The following SMAD4 variants were observed in gnomAD, a reference collection of about 807,000 sequenced individuals.
The protein encoded by SMAD4 is MAD homolog 4.
SMAD4 carries 7 observed loss-of-function variants against 63.2 expected under a neutral mutation model. The ratio of observed to expected loss-of-function variants is 0.11; its 90% CI spans 0.06 to 0.21. The LOEUF is 0.21. Ranked by LOEUF, SMAD4 falls within the 10% of genes least tolerant of loss-of-function variation. SMAD4 has a pLI of 1.00. For synonymous variants in SMAD4, 215 were observed against 235.4 expected (o/e 0.91, Z 0.79); for missense variants, 312 against 693.8 (o/e 0.45, Z 6.18).
intron 4 of SMAD4, among the ~76,000 whole-genome samples, chr18:51,050,455 C>T (rs1355822123): frequency 6.6e-6 from 1 of 151,344 alleles, no homozygotes; most frequent in Non-Finnish European, 1.5e-5. Flanking sequence ...GTCAGGAGAT[C>T]GAGACCATCC....
In SMAD4 at chr18:51,030,472, C is replaced by G. The variant is rs1397398262; in HGVS notation, c.-279C>G. On this transcript the variant is annotated 5_prime_UTR_variant, in exon 1 of 12. Coordinates refer to ENST00000342988, the MANE Select transcript of SMAD4 (RefSeq NM_005359.6). ...GAGGCGGTCCGGCCCGCGCGGGCAG[C>G]GGCGCGGCGCTGAGGAGGGGCGGCC... The G allele has an allele frequency of 6.7e-6, 1 of 150,204 alleles. No homozygotes were observed. The highest frequency in any genetic ancestry group is 1.5e-5 in the Non-Finnish European group (1 of 67,384). The allele number at this position is 150,204 out of a possible 1,614,324, so 9.3% of individuals were successfully genotyped here.
chr18:51,031,327 A>T lies in SMAD4; in HGVS notation c.-128+704A>T, dbSNP rs3752063. On this transcript the variant is annotated intron_variant, in intron 1 of 11. Coordinates refer to ENST00000342988, the MANE Select transcript of SMAD4 (RefSeq NM_005359.6). ...CTGCTGTTAGGATTTCTCAAACTAGATTTTCAAAGACACAAGTGTGTTTAG... is the reference window on the plus strand; with the variant it reads ...CTGCTGTTAGGATTTCTCAAACTAGTTTTTCAAAGACACAAGTGTGTTTAG... Among the ~76,000 whole-genome samples the T allele has an allele frequency of 3.3e-3, 510 of 152,260 alleles. 6 individuals carry two copies. The East Asian group carries it at 0.042, about 12-fold the overall frequency.
rs1599200283 is a variant in SMAD4 at position 51,071,581 on chromosome 18, A to G, written c.1308+4394A>G. Among the ~76,000 whole-genome samples, 3 of 152,176 alleles carry G rather than the reference A, an allele frequency of 2.0e-5. No homozygotes were observed. The East Asian group carries it at 5.8e-4, about 29-fold the overall frequency. Reference sequence around the variant, plus strand: ...TATGTTTTGTTTTGTGTTATTTAGCACTGGGCGTTTCAAGTTTTTAATAGC... The same window carrying G: ...TATGTTTTGTTTTGTGTTATTTAGCGCTGGGCGTTTCAAGTTTTTAATAGC... On this transcript the variant is annotated intron_variant, in intron 10 of 11. Coordinates refer to ENST00000342988, the MANE Select transcript of SMAD4 (RefSeq NM_005359.6).
intron 7 of SMAD4, among the ~76,000 whole-genome samples, chr18:51,058,866 ACT>A (rs1909925153): frequency 1.3e-5 from 2 of 152,166 alleles, no homozygotes; most frequent in African/African-American, 2.4e-5. Context: ...TCTATAGATA[ACT>A]CTGTGCTGGC....
chr18:51,031,325 A>G (rs1022004382), intron 1 of SMAD4, among the ~76,000 whole-genome samples: 1 of 152,216 alleles, frequency 6.6e-6, no homozygotes, highest in Non-Finnish European at 1.5e-5. Context: ...TTCTCAAACT[A>G]GATTTTCAAA....
chr18:51,067,230 AT>A, intron 10 of SMAD4, 43 bp downstream of exon 10: 1 of 1,110,010 alleles, frequency 9.0e-7, no homozygotes, highest in South Asian at 1.3e-5. Context: ...TTAAAGCTCT[AT>A]TTGTTGTCAA....
chr18:51,044,653 A>G (rs942317170), intron 1 of SMAD4, among the ~76,000 whole-genome samples: 7 of 152,200 alleles, frequency 4.6e-5, no homozygotes, highest in African/African-American at 1.4e-4. Flanking sequence ...TCGGCCTCCC[A>G]AAGTGCTGGG....
At chr18:51,070,162 A>T (rs918660057) in intron 10 of SMAD4, among the ~76,000 whole-genome samples, 1 of 152,248 alleles carries the variant, frequency 6.6e-6, no homozygotes, top group Non-Finnish European at 1.5e-5. Flanking sequence ...TGTTGAATAT[A>T]TACTGTGTGC....
At chr18:51,038,990 C>T (rs1449250550) in intron 1 of SMAD4, among the ~76,000 whole-genome samples, 1 of 152,074 alleles carries the variant, frequency 6.6e-6, no homozygotes, top group Non-Finnish European at 1.5e-5. Context: ...GTCTGTAATC[C>T]CAGCTACTTG....
At chr18:51,063,323 A>C (rs1184566465) in intron 8 of SMAD4, among the ~76,000 whole-genome samples, 1 of 152,104 alleles carries the variant, frequency 6.6e-6, no homozygotes, top group Non-Finnish European at 1.5e-5. Flanking sequence ...TTTTGGTTTA[A>C]CCAGTGTACC....
chr18:51,047,689 A>C (rs996113252), intron 2 of SMAD4, among the ~76,000 whole-genome samples: 1 of 151,508 alleles, frequency 6.6e-6, no homozygotes, highest in Non-Finnish European at 1.5e-5. Context: ...GCCCACTGCA[A>C]CCTCCACCTC....
chr18:51,054,699 A>C, intron 4 of SMAD4, 82 bp from the exon 5 acceptor site: 1 of 878,884 alleles, frequency 1.1e-6, no homozygotes, highest in Admixed American at 2.0e-5. Context: ...TTTAGGTGTT[A>C]TTATATTACT....
intron 10 of SMAD4, 88 bp downstream of exon 10, chr18:51,067,275 A>G (rs190982508): frequency 3.4e-4 from 239 of 703,258 alleles, no homozygotes; most frequent in Non-Finnish European, 7.2e-5. Context: ...GAATGGAAAA[A>G]TGTTTTATAT....
intron 5 of SMAD4, 34 bp downstream of exon 5, chr18:51,055,027 G>C (rs2144420004): frequency 1.3e-6 from 2 of 1,508,216 alleles, no homozygotes; most frequent in Non-Finnish European, 1.8e-6. Flanking sequence ...TCAGCAAGTT[G>C]AGTTTTCCTA....
In SMAD4 at chr18:51,081,088, T is replaced by G. The variant is rs954620169; in HGVS notation, c.*2621T>G. On this transcript the variant is annotated 3_prime_UTR_variant, in exon 12 of 12. Coordinates refer to ENST00000342988, the MANE Select transcript of SMAD4 (RefSeq NM_005359.6). ...GATCAGCTATTCCTGAGAGCTTGGT[T>G]GTTAATCTATATTTCTATTTCTTAG... 1.9e-5 allele frequency: 4 copies of G among 214,822 alleles called. No homozygotes were observed. The highest frequency in any genetic ancestry group is 3.8e-5 in the Non-Finnish European group (4 of 106,562). The allele number at this position is 214,822 out of a possible 1,614,324, so 13.3% of individuals were successfully genotyped here. A position where few individuals can be genotyped will look rare whatever the true frequency, so the allele number is the denominator to read the frequency against.
chr18:51,062,851 G>GTTTTTTTTTTTTTTTTTT lies in SMAD4; in HGVS notation c.956-2565_956-2548dup, dbSNP rs71171374. Among the ~76,000 whole-genome samples the GTTTTTTTTTTTTTTTTTT allele has an allele frequency of 7.6e-5, 5 of 65,394 alleles. 1 individual carries two copies. Among genetic ancestry groups the GTTTTTTTTTTTTTTTTTT allele is most frequent in the African/African-American group, 2.6e-4 (4 of 15,672 alleles). 42.9% of individuals were successfully genotyped at this position (65,394 alleles called of 152,430 possible). A position where few individuals can be genotyped will look rare whatever the true frequency, so the allele number is the denominator to read the frequency against. Reference sequence around the variant, plus strand: ...ACAGTCTAGTAATCTGGCTTTACTTGTTTTTTTTTTTTTTTTTTTTTTTTG... The same window carrying GTTTTTTTTTTTTTTTTTT: ...ACAGTCTAGTAATCTGGCTTTACTTGTTTTTTTTTTTTTTTTTTTTTTTTTTTTTTTTTTTTTTTTTTG... On this transcript the variant is annotated intron_variant, in intron 8 of 11. Coordinates refer to ENST00000342988, the MANE Select transcript of SMAD4 (RefSeq NM_005359.6).
At chr18:51,046,596 T>G (rs1909550442) in intron 1 of SMAD4, among the ~76,000 whole-genome samples, 1 of 152,134 alleles carries the variant, frequency 6.6e-6, no homozygotes, top group Non-Finnish European at 1.5e-5. Flanking sequence ...AAAAAAGTGC[T>G]GGTAAGATTT....
chr18:51,056,620 C>CAAAAAAAAAAAAAA (rs74178610), intron 5 of SMAD4, among the ~76,000 whole-genome samples: 1 of 59,324 alleles, frequency 1.7e-5, no homozygotes, highest in Non-Finnish European at 3.1e-5. Context: ...ACTCCATCTC[C>CAAAAAAAAAAAAAA]AAAAAAAAAA....
chr18:51,079,713 C>A lies in SMAD4; in HGVS notation c.*1246C>A, dbSNP rs891640010. ...AAAAGTTGCAGATGTATTGACTGTA[C>A]CACAGACACAATATGTATGCTTTTT... On this transcript the variant is annotated 3_prime_UTR_variant, in exon 12 of 12. Coordinates refer to ENST00000342988, the MANE Select transcript of SMAD4 (RefSeq NM_005359.6). The A allele has an allele frequency of 1.3e-5, 3 of 233,234 alleles. No homozygotes were observed. Among genetic ancestry groups the A allele is most frequent in the African/African-American group, 4.4e-5 (2 of 45,308 alleles). The allele number at this position is 233,234 out of a possible 1,614,324, so 14.4% of individuals were successfully genotyped here. A position where few individuals can be genotyped will look rare whatever the true frequency, so the allele number is the denominator to read the frequency against.
Sources: gnomAD v4.1 joint callset for allele counts (sites outside exome capture counted in the v4.1 genomes callset) on GRCh38, gnomAD v4.1.1 for gene constraint, MANE v1.5 for transcripts, NCBI Gene and HGNC (gene_info 2026-07-23, HGNC 2026-07-21) for gene names.